KCNIP3: variants seen among roughly 807,000 people sequenced by gnomAD.
The protein encoded by KCNIP3 is calsenilin.
KCNIP3 carries 28 observed loss-of-function variants against 35.0 expected under a neutral mutation model. That is an observed-to-expected ratio of 0.80 (90% confidence interval 0.59 to 1.10). The LOEUF (loss-of-function observed/expected upper bound fraction) is 1.10, where lower values mean the gene tolerates loss of function less well. KCNIP3 is among the 50% of genes least tolerant of loss of function. The pLI is 0.00. For synonymous variants in KCNIP3, 134 were observed against 133.8 expected, an observed-to-expected ratio of 1.00 and a Z score of -0.01; for missense variants, 295 against 338.4, an observed-to-expected ratio of 0.87 and a Z score of 1.01.
intron 2 of KCNIP3, among the ~76,000 whole-genome samples, chr2:95,316,355 C>T (rs971354288): frequency 2.0e-5 from 3 of 152,342 alleles, no homozygotes; most frequent in South Asian, 4.1e-4. Flanking sequence ...CGCAGCAGCT[C>T]GTCTTTCCCT....
intron 2 of KCNIP3, among the ~76,000 whole-genome samples, chr2:95,319,127 T>C (rs1039647439): frequency 2.0e-5 from 3 of 152,206 alleles, no homozygotes; most frequent in Non-Finnish European, 4.4e-5. Flanking sequence ...AAATGTAAGA[T>C]TGAGCATACA....
intron 2 of KCNIP3, among the ~76,000 whole-genome samples, chr2:95,372,399 G>C (rs1680061891): frequency 6.6e-6 from 1 of 152,242 alleles, no homozygotes; most frequent in South Asian, 2.1e-4. Context: ...GGCAGGGGAA[G>C]AGTCTATGTG....
intron 2 of KCNIP3, 177 bp downstream of exon 2, chr2:95,310,697 C>T (rs760638082): frequency 4.1e-5 from 28 of 686,106 alleles, no homozygotes; most frequent in Non-Finnish European, 6.1e-5. Context: ...TGAGTGCCTG[C>T]TTCACACAGG....
At chr2:95,371,739 A>G (rs1680046338) in intron 2 of KCNIP3, among the ~76,000 whole-genome samples, 1 of 151,812 alleles carries the variant, frequency 6.6e-6, no homozygotes, top group Non-Finnish European at 1.5e-5. Context: ...CTTCTTGATG[A>G]ATTAATCCTT....
At chr2:95,308,341 G>C (rs898179497) in intron 1 of KCNIP3, among the ~76,000 whole-genome samples, 8 of 152,214 alleles carry the variant, frequency 5.3e-5, no homozygotes, top group African/African-American at 1.9e-4. Context: ...GGGTGTGTCG[G>C]AGGAAGGGTG....
At chr2:95,349,837 C>G (rs188131038) in intron 2 of KCNIP3, among the ~76,000 whole-genome samples, 2 of 152,210 alleles carry the variant, frequency 1.3e-5, no homozygotes, top group Admixed American at 6.5e-5. Context: ...GGCAAGTGTG[C>G]GAGAGCTTGG....
intron 2 of KCNIP3, among the ~76,000 whole-genome samples, chr2:95,353,564 A>G (rs1020106736): frequency 1.3e-5 from 2 of 152,194 alleles, no homozygotes; most frequent in Non-Finnish European, 2.9e-5. Flanking sequence ...CATCTGTAGA[A>G]TGGGGATAAT....
intron 2 of KCNIP3, among the ~76,000 whole-genome samples, chr2:95,343,584 G>A (rs1386514542): frequency 6.6e-6 from 1 of 152,160 alleles, no homozygotes; most frequent in Non-Finnish European, 1.5e-5. Flanking sequence ...GGGCAGCTAG[G>A]TGGTCAGGAA....
chr2:95,298,179 A>G (rs374053182), intron 1 of KCNIP3, among the ~76,000 whole-genome samples: 9 of 152,174 alleles, frequency 5.9e-5, no homozygotes, highest in Non-Finnish European at 1.3e-4. Flanking sequence ...CTGACTCTCA[A>G]AAGGTCTGGC....
intron 2 of KCNIP3, among the ~76,000 whole-genome samples, chr2:95,373,170 G>A (rs150235209): frequency 3.3e-5 from 5 of 152,278 alleles, no homozygotes; most frequent in East Asian, 1.9e-4. Flanking sequence ...ACGGTGCAGC[G>A]GGGCCCATGA....
intron 2 of KCNIP3, among the ~76,000 whole-genome samples, chr2:95,326,713 T>G (rs1678804955): frequency 6.6e-6 from 1 of 152,198 alleles, no homozygotes; most frequent in Non-Finnish European, 1.5e-5. Context: ...AAATGTAAAT[T>G]GGAGTCTGCC....
intron 2 of KCNIP3, among the ~76,000 whole-genome samples, chr2:95,332,947 G>T (rs1020323246): frequency 2.0e-5 from 3 of 152,174 alleles, no homozygotes; most frequent in Non-Finnish European, 4.4e-5. Context: ...GGGACAAAGG[G>T]ACAAGACAAA....
At chr2:95,315,196 T>C (rs1207891356) in intron 2 of KCNIP3, among the ~76,000 whole-genome samples, 2 of 152,038 alleles carry the variant, frequency 1.3e-5, no homozygotes, top group Non-Finnish European at 2.9e-5. Context: ...ATCACTCCCA[T>C]GAGGATAATG....
At chr2:95,325,849 A>T (rs1248204371) in intron 2 of KCNIP3, among the ~76,000 whole-genome samples, 3 of 59,790 alleles carry the variant, frequency 5.0e-5, no homozygotes, top group East Asian at 5.9e-4. Flanking sequence ...ACTCATACAC[A>T]CATACACTCA....
At chr2:95,362,787 A>T (rs1679832112) in intron 2 of KCNIP3, among the ~76,000 whole-genome samples, 1 of 152,268 alleles carries the variant, frequency 6.6e-6, no homozygotes, top group Middle Eastern at 3.4e-3. Context: ...CAGACCACCG[A>T]CTAGTACTGG....
chr2:95,332,988 T>C (rs1678970302), intron 2 of KCNIP3, among the ~76,000 whole-genome samples: 1 of 152,134 alleles, frequency 6.6e-6, no homozygotes, highest in Non-Finnish European at 1.5e-5. Flanking sequence ...TGTAAAGTTA[T>C]GTGAATGTGA....
chr2:95,353,199 C>T (rs1464967752), intron 2 of KCNIP3, among the ~76,000 whole-genome samples: 1 of 152,184 alleles, frequency 6.6e-6, no homozygotes, highest in African/African-American at 2.4e-5. Flanking sequence ...CAAGACTGTA[C>T]AGGAGGCAAG....
chr2:95,312,545 T>A (rs1202174023), intron 2 of KCNIP3: 1 of 152,324 alleles, frequency 6.6e-6, no homozygotes, highest in Non-Finnish European at 1.5e-5. Flanking sequence ...CAGCGATGGG[T>A]TTGTTCCCCT....
chr2:95,307,887 G>A (rs1678216525), intron 1 of KCNIP3, among the ~76,000 whole-genome samples: 1 of 152,230 alleles, frequency 6.6e-6, no homozygotes, highest in Admixed American at 6.5e-5. Flanking sequence ...TGAAGCACCT[G>A]CTGCCCCTCT....
Sources: allele counts gnomAD v4.1 joint callset (sites outside exome capture counted in the v4.1 genomes callset), GRCh38; gene constraint gnomAD v4.1.1; transcripts MANE v1.5; gene names NCBI Gene and HGNC (gene_info 2026-07-23, HGNC 2026-07-21).